The following CBR4 variants were observed in gnomAD, a reference collection of about 807,000 sequenced individuals.
The protein encoded by CBR4 is carbonyl reductase 4, also known as 3-oxoacyl-[acyl-carrier-protein] reductase.
CBR4 carries 22 observed loss-of-function variants against 21.0 expected under a neutral mutation model. That is an observed-to-expected ratio of 1.05 (90% confidence interval 0.75 to 1.50). The LOEUF (loss-of-function observed/expected upper bound fraction) is 1.50, where lower values mean the gene tolerates loss of function less well. Among genes scored for constraint, CBR4 ranks in the 40% most tolerant of loss-of-function variants. CBR4 has a pLI of 0.00. For missense variants in CBR4, 302 were observed against 286.3 expected, an observed-to-expected ratio of 1.05 and a Z score of -0.40; for synonymous variants, 100 against 104.4, an observed-to-expected ratio of 0.96 and a Z score of 0.26.
At chr4:168,913,875 A>C in intron 2 of CBR4, 1 of 1,151,546 alleles carries the variant, frequency 8.7e-7, no homozygotes, top group South Asian at 1.2e-5. Context: ...GATAGTGCTT[A>C]GTGGTTAATA....
At chr4:168,921,406 C>CAA (rs5863967) in intron 2 of CBR4, 17,244 of 355,892 alleles carry the variant, frequency 0.048, 107 homozygotes, top group East Asian at 0.089. Context: ...AAACTCTGTC[C>CAA]AAAAAAAAAA....
rs1241513168 is a variant in CBR4 at position 168,931,530 on chromosome 4, C to A, written n.170-36765G>T. ...AAGAAAGAGCCCCATGGGGTCAACCCCCATGGACACACCCCCTGGCTGGCT... is the reference window on the plus strand; with the variant it reads ...AAGAAAGAGCCCCATGGGGTCAACCACCATGGACACACCCCCTGGCTGGCT... On this transcript the variant is annotated intron_variant and non_coding_transcript_variant, in intron 2 of 3. Transcript: ENST00000509108. Among the ~76,000 whole-genome samples the A allele has an allele frequency of 3.3e-5, 5 of 152,136 alleles. No homozygotes were observed. In the East Asian group the frequency reaches 9.7e-4, roughly 29 times the overall value.
At chr4:168,979,503 G>A (rs1764475158) in intron 2 of CBR4, among the ~76,000 whole-genome samples, 1 of 152,048 alleles carries the variant, frequency 6.6e-6, no homozygotes, top group African/African-American at 2.4e-5. Flanking sequence ...GTCAGTGGCA[G>A]CTCTGTGTTT....
chr4:168,933,636 A>C (rs892347112), intron 2 of CBR4, among the ~76,000 whole-genome samples: 13 of 152,194 alleles, frequency 8.5e-5, no homozygotes, highest in African/African-American at 2.9e-4. Context: ...GAAACATTGG[A>C]TTTAAACTGT....
At chr4:168,991,619 C>T (rs1764927671) in intron 4 of CBR4, among the ~76,000 whole-genome samples, 1 of 152,116 alleles carries the variant, frequency 6.6e-6, no homozygotes, top group African/African-American at 2.4e-5. Flanking sequence ...TATAACCAAC[C>T]AATCCTAAAT....
chr4:168,908,227 G>C (rs1309501577), intron 2 of CBR4, among the ~76,000 whole-genome samples: 1 of 152,140 alleles, frequency 6.6e-6, no homozygotes, highest in Non-Finnish European at 1.5e-5. Context: ...GCAGATATAA[G>C]TTCTGTGAGT....
At chr4:168,898,411 G>C in intron 2 of CBR4, 1 of 848,496 alleles carries the variant, frequency 1.2e-6, no homozygotes, top group Non-Finnish European at 2.0e-6. Flanking sequence ...CTGTCTTCTA[G>C]GGCCTTATTG....
At chr4:168,970,637 C>G (rs1274024721) in intron 2 of CBR4, among the ~76,000 whole-genome samples, 11 of 152,022 alleles carry the variant, frequency 7.2e-5, no homozygotes, top group Admixed American at 7.2e-4. Context: ...CCTCACCCCC[C>G]TCCCACCCTT....
intron 2 of CBR4, among the ~76,000 whole-genome samples, chr4:168,930,321 T>G (rs1762937646): frequency 6.6e-6 from 1 of 152,142 alleles, no homozygotes; most frequent in African/African-American, 2.4e-5. Context: ...AACCAGGCCC[T>G]ACAGAAGCTT....
rs587780200 is a variant in CBR4 at position 168,913,955 on chromosome 4, T to C, written n.170-19190A>G. The C allele has an allele frequency of 3.8e-5, 61 of 1,613,006 alleles. No homozygotes were observed. Among genetic ancestry groups the C allele is most frequent in the Non-Finnish European group, 5.1e-5 (60 of 1,179,050 alleles). The stretch of plus-strand genomic sequence containing the variant: ...CGCATCAGTTGTACTGGACGGCTAA[T>C]GGTACAGGCTGTCAACCAAAGAGGT... On this transcript the variant is annotated intron_variant and non_coding_transcript_variant, in intron 2 of 3. Transcript: ENST00000509108.
intron 2 of CBR4, among the ~76,000 whole-genome samples, chr4:168,977,586 T>G (rs577610587): frequency 1.2e-4 from 19 of 152,194 alleles, no homozygotes; most frequent in African/African-American, 4.6e-4. Context: ...TGCTCAAAAC[T>G]TTAGTAACTG....
intron 2 of CBR4, among the ~76,000 whole-genome samples, chr4:168,939,819 C>T (rs1727341726): frequency 6.6e-6 from 1 of 152,168 alleles, no homozygotes. Flanking sequence ...ACATTCCATG[C>T]TCATGGATAG....
At chr4:168,955,753 G>C (rs1763665924) in intron 2 of CBR4, among the ~76,000 whole-genome samples, 1 of 152,198 alleles carries the variant, frequency 6.6e-6, no homozygotes, top group Admixed American at 6.5e-5. Flanking sequence ...AAGTGCATAT[G>C]TCAAGAGACC....
Position 168,958,506 on chromosome 4 carries a change from G to A in CBR4, n.169+43565C>T, listed in dbSNP as rs145757014. On this transcript the variant is annotated intron_variant and non_coding_transcript_variant, in intron 2 of 3. Transcript: ENST00000509108. ...GATTGCTTACAATTTTGGCTATTAC[G>A]AATAAAACTGCTATGAACAATAATA... Among the ~76,000 whole-genome samples the A allele has an allele frequency of 4.9e-3, 749 of 152,198 alleles. 7 individuals carry two copies. The highest frequency in any genetic ancestry group is 5.6e-3 in the Admixed American group (85 of 15,288).
chr4:168,934,038 TA>T (rs1249652069), intron 2 of CBR4, among the ~76,000 whole-genome samples: 2 of 152,038 alleles, frequency 1.3e-5, no homozygotes, highest in African/African-American at 4.8e-5. Context: ...TTTACAGCAA[TA>T]AACATCTATA....
intron 2 of CBR4, among the ~76,000 whole-genome samples, chr4:168,950,954 C>T (rs978964210): frequency 8.5e-5 from 13 of 152,118 alleles, no homozygotes; most frequent in Non-Finnish European, 1.2e-4. Context: ...CTTTTTCCCC[C>T]GCTTTACTTT....
intron 2 of CBR4, among the ~76,000 whole-genome samples, chr4:168,929,274 C>T (rs929297410): frequency 1.3e-5 from 2 of 152,076 alleles, no homozygotes; most frequent in Non-Finnish European, 1.5e-5. Flanking sequence ...ATATTTGGGC[C>T]TAGGCTTTCC....
At chr4:168,915,940 T>G in intron 2 of CBR4, 1 of 1,613,222 alleles carries the variant, frequency 6.2e-7, no homozygotes, top group Non-Finnish European at 8.5e-7. Context: ...ATGAACCAAT[T>G]CAGGAGCGAT....
At chr4:168,961,361 A>G (rs1763847360) in intron 2 of CBR4, among the ~76,000 whole-genome samples, 1 of 152,180 alleles carries the variant, frequency 6.6e-6, no homozygotes, top group African/African-American at 2.4e-5. Flanking sequence ...AGTTGTCTCA[A>G]TATCTATAGA....
Sources: allele counts gnomAD v4.1 joint callset (sites outside exome capture counted in the v4.1 genomes callset), GRCh38; gene constraint gnomAD v4.1.1; transcripts MANE v1.5; gene names NCBI Gene and HGNC (gene_info 2026-07-23, HGNC 2026-07-21).